The following TMEM232 variants were observed in gnomAD, a reference collection of about 807,000 sequenced individuals.
The protein encoded by TMEM232 is transmembrane protein 232.
A neutral mutation model predicts 78.8 loss-of-function variants in TMEM232; 80 were observed. That is an observed-to-expected ratio of 1.01 (90% CI 0.85 to 1.22). The LOEUF (loss-of-function observed/expected upper bound fraction) is 1.22. TMEM232 is among the 50% of genes most tolerant of loss of function. The pLI is 0.00. For synonymous variants in TMEM232, 297 were observed against 254.3 expected (o/e 1.17, Z -1.60); for missense variants, 881 against 742.2 (o/e 1.19, Z -2.17).
intron 5 of TMEM232, among the ~76,000 whole-genome samples, chr5:110,631,981 A>G (rs1283654725): frequency 1.3e-5 from 2 of 152,018 alleles, no homozygotes; most frequent in South Asian, 2.1e-4. Flanking sequence ...AGTATCTTGT[A>G]TGCTGGGGTA....
Position 110,693,958 on chromosome 5 carries a change from A to C in TMEM232, c.-12-26594T>G, listed in dbSNP as rs2150237477. On this transcript the variant is annotated intron_variant, in intron 1 of 13. Coordinates refer to ENST00000455884, the MANE Select transcript of TMEM232 (RefSeq NM_001039763.4). Reference sequence around the variant, plus strand: ...AAATTCAGGAAATACAGAGAATGCCACAAAGATACTCCTCGAGAAGAGCAA... The same window carrying C: ...AAATTCAGGAAATACAGAGAATGCCCCAAAGATACTCCTCGAGAAGAGCAA... Among the ~76,000 whole-genome samples, 2 of 152,286 alleles carry C rather than the reference A, an allele frequency of 1.3e-5. 1 individual carries two copies. Among genetic ancestry groups the C allele is most frequent in the South Asian group, 4.2e-4 (2 of 4,816 alleles).
chr5:110,391,982 A>G (rs1195849163), intron 3 of TMEM232, among the ~76,000 whole-genome samples: 1 of 152,218 alleles, frequency 6.6e-6, no homozygotes, highest in African/African-American at 2.4e-5. Context: ...CTACATATGC[A>G]TCATATGGCA....
chr5:110,443,528 A>G (rs866251999), intron 12 of TMEM232, among the ~76,000 whole-genome samples: 24 of 152,172 alleles, frequency 1.6e-4, no homozygotes, highest in African/African-American at 5.3e-4. Flanking sequence ...ATGCTGTCCA[A>G]TAGCCTAGGT....
At chr5:110,454,284 TAAA>T (rs1391012405) in intron 12 of TMEM232, among the ~76,000 whole-genome samples, 2 of 151,748 alleles carry the variant, frequency 1.3e-5, no homozygotes, top group African/African-American at 2.4e-5. Context: ...TTTAAACAAA[TAAA>T]AAAATCACAC....
intron 11 of TMEM232, among the ~76,000 whole-genome samples, chr5:110,550,044 T>G (rs544549426): frequency 1.3e-5 from 2 of 152,292 alleles, no homozygotes; most frequent in African/African-American, 4.8e-5. Context: ...ATCACATGCA[T>G]GAATACAAAT....
At chr5:110,671,546 C>G (rs1344281797) in intron 1 of TMEM232, among the ~76,000 whole-genome samples, 11 of 152,188 alleles carry the variant, frequency 7.2e-5, no homozygotes, top group Non-Finnish European at 1.6e-4. Context: ...GACACATATA[C>G]ACCATGGAAT....
Position 110,448,935 on chromosome 5 carries a change from A to C in TMEM232, c.1704-24019T>G, listed in dbSNP as rs76191378. 5.4e-3 allele frequency among the ~76,000 whole-genome samples: 815 copies of C among 152,164 alleles called. 8 individuals carry two copies. The highest frequency in any genetic ancestry group is 0.019 in the African/African-American group (774 of 41,564). ...AATACAAAACAAAAAGATGGAACAC[A>C]AGACATATAAAGTGTGACTAAAACT... On this transcript the variant is annotated intron_variant, in intron 12 of 13. Transcript: ENST00000455884.
At chr5:110,587,999 A>C (rs976068644) in intron 10 of TMEM232, among the ~76,000 whole-genome samples, 1 of 151,876 alleles carries the variant, frequency 6.6e-6, no homozygotes, top group Non-Finnish European at 1.5e-5. Flanking sequence ...TAAAAACCAC[A>C]ACCTTATTAC....
At chr5:110,682,651 T>C (rs1237166338) in intron 1 of TMEM232, among the ~76,000 whole-genome samples, 2 of 152,184 alleles carry the variant, frequency 1.3e-5, no homozygotes, top group Non-Finnish European at 2.9e-5. Flanking sequence ...TATTAAATGA[T>C]ATTTACTCTT....
At position 110,475,865 on chromosome 5, in the gene TMEM232, G is replaced by A. The variant is rs115610639; in HGVS notation, c.1704-50949C>T. Among the ~76,000 whole-genome samples the A allele has an allele frequency of 6.5e-3, 990 of 151,936 alleles. 10 individuals are homozygous for A. Among genetic ancestry groups the A allele is most frequent in the African/African-American group, 0.022 (922 of 41,466 alleles). Reference sequence around the variant, plus strand: ...CAATCCTTGAGGTTCACACAGGGCCGGAAAAATCAATTTCTAACCAAAGTG... The same window carrying A: ...CAATCCTTGAGGTTCACACAGGGCCAGAAAAATCAATTTCTAACCAAAGTG... On this transcript the variant is annotated intron_variant, in intron 12 of 13. Transcript: ENST00000455884.
At chr5:110,544,531 C>T (rs1212928723) in intron 11 of TMEM232, among the ~76,000 whole-genome samples, 1 of 149,724 alleles carries the variant, frequency 6.7e-6, no homozygotes, top group Non-Finnish European at 1.5e-5. Context: ...TTTGAGCTAA[C>T]TCACATTATT....
intron 12 of TMEM232, among the ~76,000 whole-genome samples, chr5:110,433,748 T>G (rs1312405441): frequency 0.045 from 2 of 44 alleles, no homozygotes; most frequent in Non-Finnish European, 0.1. Context: ...CAAATCGTTT[T>G]TAAATTTTAA....
intron 12 of TMEM232, among the ~76,000 whole-genome samples, chr5:110,440,564 T>C (rs75852974): frequency 0.025 from 3,768 of 152,210 alleles, 146 homozygotes; most frequent in African/African-American, 0.085. Flanking sequence ...GGGGCAGACA[T>C]ATATTCAAGT....
chr5:110,426,635 C>A (rs550792578), intron 12 of TMEM232, among the ~76,000 whole-genome samples: 104 of 152,076 alleles, frequency 6.8e-4, no homozygotes, highest in African/African-American at 2.3e-3. Flanking sequence ...GGAACCCTCT[C>A]CCAACTTAAT....
rs866165121 is a variant in TMEM232, at chr5:110,445,080, T to C, written c.1704-20164A>G. Among the ~76,000 whole-genome samples, 297 of 152,108 alleles carry C rather than the reference T, an allele frequency of 2.0e-3. 1 individual carries two copies. Among genetic ancestry groups the C allele is most frequent in the African/African-American group, 6.8e-3 (284 of 41,554 alleles). On this transcript the variant is annotated intron_variant, in intron 12 of 13. Coordinates refer to ENST00000455884, the MANE Select transcript of TMEM232 (RefSeq NM_001039763.4). ...GCCCTCATTTTCCATGGCTGAAAAA[T>C]TTTTCATTTATTTCTTAGAAAATAA...
intron 10 of TMEM232, among the ~76,000 whole-genome samples, chr5:110,586,103 A>G (rs1778789106): frequency 6.6e-6 from 1 of 152,196 alleles, no homozygotes; most frequent in East Asian, 1.9e-4. Context: ...TGGTCCATTT[A>G]TGGCCATCTA....
intron 1 of TMEM232, among the ~76,000 whole-genome samples, chr5:110,668,041 A>C (rs547807822): frequency 1.3e-5 from 2 of 152,230 alleles, no homozygotes; most frequent in East Asian, 3.9e-4. Context: ...GGGTAGTCAT[A>C]TCTACACTGC....
At chr5:110,554,584 A>G (rs1188649985) in intron 11 of TMEM232, among the ~76,000 whole-genome samples, 1 of 152,074 alleles carries the variant, frequency 6.6e-6, no homozygotes, top group East Asian at 1.9e-4. Flanking sequence ...CTTTGGGTCA[A>G]TGTTTATCCG....
At chr5:110,698,428 A>G (rs1450327587) in intron 1 of TMEM232, among the ~76,000 whole-genome samples, 1 of 151,830 alleles carries the variant, frequency 6.6e-6, no homozygotes, top group Non-Finnish European at 1.5e-5. Flanking sequence ...TAAAACTTAA[A>G]GTATAATAAT....
Sources: allele counts gnomAD v4.1 joint callset (sites outside exome capture counted in the v4.1 genomes callset), GRCh38; gene constraint gnomAD v4.1.1; transcripts MANE v1.5; gene names NCBI Gene and HGNC (gene_info 2026-07-23, HGNC 2026-07-21).